The following TLE4 variants were observed in gnomAD, a reference collection of about 807,000 sequenced individuals.
TLE4 encodes TLE family member 4, transcriptional corepressor.
Under a neutral mutation model 92.8 loss-of-function variants are expected in TLE4, and 8 were observed. That is an observed-to-expected ratio of 0.09 (90% CI 0.05 to 0.16). The LOEUF is 0.16. Among genes scored for constraint, TLE4 ranks in the 10% least tolerant of loss-of-function variants. The pLI, the probability that TLE4 is intolerant of heterozygous loss-of-function variation, is 1.00. For synonymous variants in TLE4, 371 were observed against 374.1 expected, an observed-to-expected ratio of 0.99 and a Z score of 0.10; for missense variants, 675 against 997.6, an observed-to-expected ratio of 0.68 and a Z score of 4.36.
chr9:79,708,929 T>G, intron 13 of TLE4, 143 bp downstream of exon 13: 1 of 998,190 alleles, frequency 1.0e-6, no homozygotes, highest in Non-Finnish European at 1.4e-6. Flanking sequence ...CCTCCTGGGC[T>G]TAAGCGATCC....
Position 79,718,893 on chromosome 9 carries a change from G to C in TLE4, c.1512G>C (p.Thr504=), listed in dbSNP as rs369501632. Residue 504 remains threonine, a synonymous_variant, in exon 15 of 20, where the codon ACG becomes ACC. Coordinates refer to ENST00000376552, the MANE Select transcript of TLE4 (RefSeq NM_007005.6). ...GCAACCCCACGAGACACGTGTACAC[G>C]GGTGGGAAGGGCTGCGTCAAGGTCT... is the stretch of plus-strand genomic sequence containing the variant. ...TISNPTRHVY[T]GGKGCVKVWD... 2.5e-6 allele frequency: 4 copies of C among 1,614,058 alleles called. No homozygotes were observed. The highest frequency in any genetic ancestry group is 3.4e-6 in the Non-Finnish European group (4 of 1,180,032).
chr9:79,700,100 C>T (rs1340151643), intron 8 of TLE4, among the ~76,000 whole-genome samples: 3 of 152,134 alleles, frequency 2.0e-5, no homozygotes, highest in Non-Finnish European at 4.4e-5. Flanking sequence ...AGGCTATGTG[C>T]CTGGGACTGC....
intron 5 of TLE4, among the ~76,000 whole-genome samples, chr9:79,623,588 A>G (rs1449467975): frequency 1.3e-5 from 2 of 151,098 alleles, no homozygotes; most frequent in African/African-American, 4.9e-5. Flanking sequence ...TAAAAAAATT[A>G]TTTTTACTGA....
intron 4 of TLE4, among the ~76,000 whole-genome samples, chr9:79,588,445 G>A (rs1196534081): frequency 1.3e-5 from 2 of 152,010 alleles, no homozygotes; most frequent in Admixed American, 1.3e-4. Context: ...CACCGCGCCC[G>A]GCCTATCCTT....
At chr9:79,672,235 C>T (rs568249250) in intron 8 of TLE4, among the ~76,000 whole-genome samples, 1 of 151,928 alleles carries the variant, frequency 6.6e-6, no homozygotes, top group South Asian at 2.1e-4. Flanking sequence ...GGGCCAGAGT[C>T]CTGGAAAGTA....
At chr9:79,714,767 C>T (rs1013657576) in intron 14 of TLE4, among the ~76,000 whole-genome samples, 4 of 152,208 alleles carry the variant, frequency 2.6e-5, no homozygotes, top group East Asian at 3.8e-4. Flanking sequence ...CTTAGCATGA[C>T]GTTTGCGTCA....
At chr9:79,593,056 C>T (rs1349473609) in intron 4 of TLE4, among the ~76,000 whole-genome samples, 1 of 152,112 alleles carries the variant, frequency 6.6e-6, no homozygotes, top group East Asian at 1.9e-4. Flanking sequence ...TCAACCTTTA[C>T]CCCTTTTAGA....
intron 4 of TLE4, among the ~76,000 whole-genome samples, chr9:79,605,113 G>C (rs2046502586): frequency 6.6e-6 from 1 of 152,124 alleles, no homozygotes; most frequent in Non-Finnish European, 1.5e-5. Context: ...TGAGGAAAGA[G>C]CTATTGGTAG....
At chr9:79,606,865 G>C (rs2047128636) in intron 4 of TLE4, among the ~76,000 whole-genome samples, 1 of 152,156 alleles carries the variant, frequency 6.6e-6, no homozygotes, top group African/African-American at 2.4e-5. Flanking sequence ...ATAGTAGCAT[G>C]ATTTATAATC....
chr9:79,715,152 A>G (rs2074238904), intron 14 of TLE4, among the ~76,000 whole-genome samples: 3 of 152,122 alleles, frequency 2.0e-5, no homozygotes, highest in Non-Finnish European at 4.4e-5. Flanking sequence ...CCTTGAAGGA[A>G]ATTGTGTGCC....
chr9:79,628,700 G>A (rs2053342596), intron 6 of TLE4, among the ~76,000 whole-genome samples: 1 of 152,110 alleles, frequency 6.6e-6, no homozygotes, highest in South Asian at 2.1e-4. Flanking sequence ...TGAATCAGAA[G>A]AAGCCATGTA....
intron 4 of TLE4, among the ~76,000 whole-genome samples, chr9:79,594,178 A>G (rs1050221678): frequency 1.4e-4 from 22 of 152,230 alleles, no homozygotes; most frequent in African/African-American, 4.8e-4. Flanking sequence ...TTCAATGTGC[A>G]TACAAATCAC....
At position 79,718,830 on chromosome 9, in the gene TLE4, C is replaced by A; in HGVS notation, c.1449C>A (p.Thr483=). 1.2e-6 allele frequency: 2 copies of A among 1,614,184 alleles called. No individual in the cohort carries two copies. The highest frequency in any genetic ancestry group is 1.7e-6 in the Non-Finnish European group (2 of 1,180,040). The stretch of plus-strand genomic sequence containing the variant: ...CCCGGCATGCTCGCCAGATCAACAC[C>A]CTCAACCACGGGGAGGTGGTGTGCG... The part of the protein sequence containing the change: ...GIPRHARQIN[T]LNHGEVVCAV... The change falls in exon 15 of 20, where the codon ACC becomes ACA. Residue 483 remains threonine (T), a synonymous_variant. Coordinates refer to ENST00000376552, the MANE Select transcript of TLE4 (RefSeq NM_007005.6).
At chr9:79,654,257 C>T (rs1587864399) in intron 8 of TLE4, among the ~76,000 whole-genome samples, 182 bp downstream of exon 8, 3 of 147,582 alleles carry the variant, frequency 2.0e-5, no homozygotes, top group African/African-American at 5.0e-5. Flanking sequence ...TTAAAGGTCC[C>T]ATTTCTCTAT....
In TLE4 at chr9:79,708,613, A is replaced by G. The variant is rs746082419; in HGVS notation, c.1090A>G (p.Met364Val). 1.6e-5 allele frequency: 26 copies of G among 1,613,584 alleles called. No individual in the cohort carries two copies. The highest frequency in any genetic ancestry group is 1.6e-4 in the Middle Eastern group (1 of 6,080). Residue 364 changes from methionine to valine, a missense_variant, in exon 13 of 20, where the codon ATG becomes GTG. This residue lies in a region of TLE4 where 280 missense variants were observed against 287.3 expected (regional missense o/e 0.97). Coordinates refer to ENST00000376552, the MANE Select transcript of TLE4 (RefSeq NM_007005.6). The part of the protein sequence containing the change: ...DPLASSLRTP[M>V]AVPCPYPTPF... ...TGCAGCCTCAAGCCTAAGGACCCCA[A>G]TGGCAGTACCTTGTCCATATCCAAC...
At chr9:79,685,165 C>A (rs1235539494) in intron 8 of TLE4, among the ~76,000 whole-genome samples, 1 of 152,136 alleles carries the variant, frequency 6.6e-6, no homozygotes, top group Non-Finnish European at 1.5e-5. Flanking sequence ...GTATTGTTTC[C>A]AAGACGACTT....
chr9:79,630,087 C>A (rs1481576257), intron 6 of TLE4, among the ~76,000 whole-genome samples: 1 of 152,168 alleles, frequency 6.6e-6, no homozygotes, highest in African/African-American at 2.4e-5. Flanking sequence ...CCCCTGCAGA[C>A]CCTCATTTAT....
intron 4 of TLE4, among the ~76,000 whole-genome samples, chr9:79,611,383 A>G (rs1172649701): frequency 6.6e-6 from 1 of 152,084 alleles, no homozygotes; most frequent in Non-Finnish European, 1.5e-5. Flanking sequence ...TTGAAACTTC[A>G]TGGTGAATTT....
intron 8 of TLE4, among the ~76,000 whole-genome samples, chr9:79,704,058 C>CA (rs917874197): frequency 7.9e-5 from 12 of 151,960 alleles, no homozygotes; most frequent in Non-Finnish European, 1.2e-4. Context: ...AACAAACAAA[C>CA]AAAAAAACCT....
Sources: allele counts gnomAD v4.1 joint callset (sites outside exome capture counted in the v4.1 genomes callset), GRCh38; gene constraint gnomAD v4.1.1; regional missense constraint gnomAD v4.1.1; transcripts MANE v1.5; gene names NCBI Gene and HGNC (gene_info 2026-07-23, HGNC 2026-07-21).